Variants in CDC14B observed in about 807,000 individuals in gnomAD.
CDC14B encodes the protein dual specificity protein phosphatase CDC14B.
CDC14B carries 22 observed loss-of-function variants against 64.2 expected under a neutral mutation model. That is an observed-to-expected ratio of 0.34 (90% CI 0.24 to 0.49). CDC14B has a LOEUF of 0.49. CDC14B is among the 20% of genes least tolerant of loss of function. The pLI, the probability that CDC14B is intolerant of heterozygous loss-of-function variation, is 0.99. For synonymous variants in CDC14B, 191 were observed against 215.8 expected, an observed-to-expected ratio of 0.89 and a Z score of 1.01; for missense variants, 498 against 629.9, an observed-to-expected ratio of 0.79 and a Z score of 2.24.
rs1351485237 is a variant in CDC14B at position 96,494,829 on chromosome 9, C to CTCCCT, written c.*80+1377_*80+1378insAGGGA. On this transcript the variant is annotated intron_variant and NMD_transcript_variant, in intron 13 of 13. Transcript: ENST00000474602. ...CTCGTCCCGTCCCATCCCGTCTCCC[C>CTCCCT]TCCCCTCCCCTCCCCTTTCTTTTTT... Among the ~76,000 whole-genome samples the CTCCCT allele has an allele frequency of 4.8e-3, 446 of 93,552 alleles. 6 individuals carry two copies. The highest frequency in any genetic ancestry group is 0.02 in the African/African-American group (429 of 21,364). 61.4% of individuals were successfully genotyped at this position (93,552 alleles called of 152,430 possible).
intron 12 of CDC14B, among the ~76,000 whole-genome samples, chr9:96,520,868 C>T (rs1263433825): frequency 2.0e-5 from 3 of 151,046 alleles, no homozygotes; most frequent in African/African-American, 7.3e-5. Flanking sequence ...GCCTCCTGCA[C>T]ACTGAAGTCT....
At chr9:96,513,964 A>AC (rs1835261754) in intron 12 of CDC14B, among the ~76,000 whole-genome samples, 1 of 152,144 alleles carries the variant, frequency 6.6e-6, no homozygotes, top group South Asian at 2.1e-4. Context: ...CTCAGGAGTC[A>AC]CCACCTTACA....
chr9:96,495,880 A>C (rs895653047), downstream of CDC14B, among the ~76,000 whole-genome samples: 3 of 152,172 alleles, frequency 2.0e-5, no homozygotes, highest in Non-Finnish European at 4.4e-5. Flanking sequence ...GGTGCCTTCC[A>C]CACGGCATCT....
chr9:96,573,707 A>T (rs1331768218), intron 1 of CDC14B, among the ~76,000 whole-genome samples: 1 of 152,226 alleles, frequency 6.6e-6, no homozygotes, highest in Non-Finnish European at 1.5e-5. Context: ...CTGACATGCT[A>T]ATACATGTAA....
chr9:96,526,404 C>A (rs1483322522), intron 9 of CDC14B, among the ~76,000 whole-genome samples: 3 of 152,030 alleles, frequency 2.0e-5, no homozygotes, highest in Non-Finnish European at 2.9e-5. Context: ...GAGTTAAGTG[C>A]AAACCATGAG....
chr9:96,575,477 G>C (rs1844747848), intron 1 of CDC14B, among the ~76,000 whole-genome samples: 1 of 152,004 alleles, frequency 6.6e-6, no homozygotes, highest in South Asian at 2.1e-4. Context: ...CTTTTTTTAA[G>C]GGAGGCACTA....
At chr9:96,604,401 A>G (rs1234254566) in intron 1 of CDC14B, among the ~76,000 whole-genome samples, 1 of 144,682 alleles carries the variant, frequency 6.9e-6, no homozygotes, top group Non-Finnish European at 1.5e-5. Context: ...TTATTTTGAG[A>G]CAGAGTTTCC....
At chr9:96,608,679 C>A (rs181256918) in intron 1 of CDC14B, among the ~76,000 whole-genome samples, 2 of 151,692 alleles carry the variant, frequency 1.3e-5, no homozygotes, top group Admixed American at 1.3e-4. Flanking sequence ...TACTTCTTAC[C>A]GAGAATAAAC....
chr9:96,601,450 T>C (rs1326596660), intron 1 of CDC14B, among the ~76,000 whole-genome samples: 3 of 148,056 alleles, frequency 2.0e-5, no homozygotes, highest in Admixed American at 6.7e-5. Flanking sequence ...TGAGCCAAGA[T>C]TGCACCACTG....
At chr9:96,556,028 C>T (rs1366337658) in intron 4 of CDC14B, among the ~76,000 whole-genome samples, 1 of 152,180 alleles carries the variant, frequency 6.6e-6, no homozygotes, top group Non-Finnish European at 1.5e-5. Flanking sequence ...TGCTGACAAG[C>T]CGGGCCTCAA....
At chr9:96,552,955 TGCAA>T (rs1842020194) in intron 4 of CDC14B, among the ~76,000 whole-genome samples, 9 of 152,282 alleles carry the variant, frequency 5.9e-5, no homozygotes, top group African/African-American at 1.9e-4. Context: ...AAAAGTTAAT[TGCAA>T]ACTTTTTATC....
At chr9:96,570,696 A>C (rs1477507651) in intron 1 of CDC14B, among the ~76,000 whole-genome samples, 1 of 152,104 alleles carries the variant, frequency 6.6e-6, no homozygotes, top group Non-Finnish European at 1.5e-5. Context: ...AGCATTACCC[A>C]CTCAAATGAC....
chr9:96,516,337 C>G (rs752523646), intron 12 of CDC14B, among the ~76,000 whole-genome samples: 2 of 152,126 alleles, frequency 1.3e-5, no homozygotes, highest in Non-Finnish European at 2.9e-5. Context: ...TAATATGGTT[C>G]ACATTTAACC....
At chr9:96,566,122 T>G (rs1054229102) in intron 1 of CDC14B, among the ~76,000 whole-genome samples, 1 of 152,200 alleles carries the variant, frequency 6.6e-6, no homozygotes, top group African/African-American at 2.4e-5. Context: ...ATAAATGCAG[T>G]TAGGCTGCTG....
chr9:96,557,314 C>G (rs1335677394), intron 4 of CDC14B, among the ~76,000 whole-genome samples: 1 of 152,260 alleles, frequency 6.6e-6, no homozygotes, highest in Non-Finnish European at 1.5e-5. Flanking sequence ...TTGCCTCGTG[C>G]TGTTTGCCCT....
At chr9:96,557,085 T>C (rs574235707) in intron 4 of CDC14B, among the ~76,000 whole-genome samples, 1 of 152,308 alleles carries the variant, frequency 6.6e-6, no homozygotes, top group South Asian at 2.1e-4. Context: ...TTCCCCAAGT[T>C]AACAGCACCC....
intron 5 of CDC14B, among the ~76,000 whole-genome samples, chr9:96,543,459 A>G (rs1353731847): frequency 6.6e-6 from 1 of 152,210 alleles, no homozygotes; most frequent in African/African-American, 2.4e-5. Flanking sequence ...AAAGGACAGT[A>G]ATACCAATAA....
intron 1 of CDC14B, among the ~76,000 whole-genome samples, chr9:96,616,947 T>C (rs1454008652): frequency 6.6e-6 from 1 of 152,054 alleles, no homozygotes; most frequent in Non-Finnish European, 1.5e-5. Context: ...TATATCACAC[T>C]GCAACAGACT....
At chr9:96,562,610 T>C in intron 4 of CDC14B, 83 bp downstream of exon 4, 2 of 919,938 alleles carry the variant, frequency 2.2e-6, no homozygotes, top group East Asian at 2.4e-5. Flanking sequence ...AGACATTATC[T>C]TGATTTCAAA....
Sources: gnomAD v4.1 joint callset for allele counts (sites outside exome capture counted in the v4.1 genomes callset) on GRCh38, gnomAD v4.1.1 for gene constraint, MANE v1.5 for transcripts, NCBI Gene and HGNC (gene_info 2026-07-23, HGNC 2026-07-21) for gene names.